The following ARHGEF37 variants were observed in gnomAD, a reference collection of about 807,000 sequenced individuals.
The protein encoded by ARHGEF37 is Rho guanine nucleotide exchange factor 37, also known as Rho guanine nucleotide exchange factor (GEF) 37.
A neutral mutation model predicts 71.1 loss-of-function variants in ARHGEF37; 55 were observed. The ratio of observed to expected loss-of-function variants is 0.77; its 90% CI spans 0.62 to 0.97. The LOEUF (loss-of-function observed/expected upper bound fraction) is 0.97. ARHGEF37 is among the 50% of genes least tolerant of loss of function. ARHGEF37 has a pLI of 0.00. For missense variants in ARHGEF37, 765 were observed against 836.8 expected, an observed-to-expected ratio of 0.91 and a Z score of 1.06; for synonymous variants, 327 against 350.6, an observed-to-expected ratio of 0.93 and a Z score of 0.75.
intron 1 of ARHGEF37, among the ~76,000 whole-genome samples, chr5:149,560,439 G>A (rs1167549617): frequency 6.6e-6 from 1 of 152,026 alleles, no homozygotes; most frequent in Non-Finnish European, 1.5e-5. Context: ...AATTATTTTG[G>A]GGTGGGAGAA....
intron 1 of ARHGEF37, among the ~76,000 whole-genome samples, chr5:149,552,465 A>G (rs1762692058): frequency 6.6e-6 from 1 of 152,232 alleles, no homozygotes. Context: ...AGAAAACTCC[A>G]TGGTTGATGC....
At chr5:149,562,831 G>A (rs947634374) in intron 1 of ARHGEF37, among the ~76,000 whole-genome samples, 2 of 152,192 alleles carry the variant, frequency 1.3e-5, no homozygotes, top group African/African-American at 4.8e-5. Context: ...CAGGGAACAT[G>A]TCCTGTCCAG....
rs1439628560 is a variant in ARHGEF37 at position 149,598,787 on chromosome 5, TATAGATATATAG to T, written c.186+836_186+847del. Among the ~76,000 whole-genome samples, 164 of 145,794 alleles carry T rather than the reference TATAGATATATAG, an allele frequency of 1.1e-3. 1 individual carries two copies. The highest frequency in any genetic ancestry group is 3.5e-3 in the African/African-American group (138 of 39,082). Reference sequence around the variant, plus strand: ...ATAGATATAGATATAGATATATAGATATAGATATATAGATATATATATGTGTGTGTGTGTGTA... The same window carrying T: ...ATAGATATAGATATAGATATATAGATATATATATATGTGTGTGTGTGTGTA... On this transcript the variant is annotated intron_variant, in intron 2 of 12. Transcript: ENST00000333677.
chr5:149,589,814 C>T (rs1181753552), intron 1 of ARHGEF37, among the ~76,000 whole-genome samples: 2 of 151,812 alleles, frequency 1.3e-5, no homozygotes, highest in Non-Finnish European at 2.9e-5. Context: ...CCACCATGCC[C>T]GGCCGCCTGG....
intron 1 of ARHGEF37, among the ~76,000 whole-genome samples, chr5:149,565,829 A>ATTTTTTTTTTTTTTTTTTTTTTTTTTTT (rs201683478): frequency 1.2e-5 from 1 of 84,580 alleles, no homozygotes; most frequent in Non-Finnish European, 2.7e-5. Context: ...AGAAACTCTA[A>ATTTTTTTTTTTTTTTTTTTTTTTTTTTT]TTTTTTTTTT....
intron 1 of ARHGEF37, among the ~76,000 whole-genome samples, chr5:149,597,001 G>A (rs1297830293): frequency 6.6e-6 from 1 of 152,118 alleles, no homozygotes; most frequent in African/African-American, 2.4e-5. Flanking sequence ...AATGGGTGTG[G>A]TGGTGGCAGG....
intron 11 of ARHGEF37, 149 bp from the exon 12 acceptor site, chr5:149,628,660 C>A: frequency 3.9e-6 from 4 of 1,019,488 alleles, no homozygotes; most frequent in Non-Finnish European, 5.6e-6. Flanking sequence ...GAGTGTGGGG[C>A]AGGGGGGTTC....
chr5:149,578,422 A>G (rs1469897560), upstream of ARHGEF37, among the ~76,000 whole-genome samples: 1 of 152,222 alleles, frequency 6.6e-6, no homozygotes, highest in East Asian at 1.9e-4. Flanking sequence ...TACCAAGGAA[A>G]GGGGCTGTTG....
At chr5:149,571,255 T>C (rs1762959801) in intron 1 of ARHGEF37, among the ~76,000 whole-genome samples, 2 of 152,020 alleles carry the variant, frequency 1.3e-5, no homozygotes, top group African/African-American at 2.4e-5. Flanking sequence ...TTTTGTTTTG[T>C]TTTGTTTTGC....
chr5:149,581,885 CATT>C (rs1763116760), intron 1 of ARHGEF37, among the ~76,000 whole-genome samples: 1 of 152,216 alleles, frequency 6.6e-6, no homozygotes, highest in African/African-American at 2.4e-5. Flanking sequence ...CCTGGAAAAA[CATT>C]ATTATTCTTT....
intron 1 of ARHGEF37, among the ~76,000 whole-genome samples, chr5:149,558,612 T>G (rs1480189777): frequency 6.6e-6 from 1 of 151,716 alleles, no homozygotes; most frequent in Non-Finnish European, 1.5e-5. Context: ...CTCCTCGGCC[T>G]CCTAAAGTGC....
At chr5:149,603,931 G>A (rs1350263048) in intron 3 of ARHGEF37, among the ~76,000 whole-genome samples, 1 of 152,114 alleles carries the variant, frequency 6.6e-6, no homozygotes, top group African/African-American at 2.4e-5. Context: ...GTGAGACTCT[G>A]TCTCAAAAAT....
rs113997100 is a variant in ARHGEF37 at position 149,624,063 on chromosome 5, G to A, written c.1387G>A (p.Ala463Thr). Residue 463 changes from alanine to threonine, a missense_variant, in exon 10 of 13, where the codon GCA becomes ACA. Physicochemically the swap from Ala to Thr is moderately conservative, Grantham distance 58 (BLOSUM62 0). Transcript: ENST00000333677. ...TGCCTTCAGGAAGCTGGTGGAGGACGCACTGGGCCGGACGAGTAACCAGCT... is the reference window on the plus strand; with the variant it reads ...TGCCTTCAGGAAGCTGGTGGAGGACACACTGGGCCGGACGAGTAACCAGCT... Reference protein sequence around the residue: ...EPAFRKLVEDALGRTSNQLRS... With the variant: ...EPAFRKLVEDTLGRTSNQLRS... The A allele has an allele frequency of 0.045, 73,045 of 1,610,026 alleles. 1,915 individuals are homozygous for A. The highest frequency in any genetic ancestry group is 0.054 in the Non-Finnish European group (63,599 of 1,176,598).
intron 9 of ARHGEF37, among the ~76,000 whole-genome samples, chr5:149,623,672 G>A (rs1752601765): frequency 6.6e-6 from 1 of 152,202 alleles, no homozygotes; most frequent in Non-Finnish European, 1.5e-5. Flanking sequence ...TGCCTTATCT[G>A]TGTCCTGTGG....
rs371335891 is a variant in ARHGEF37, at chr5:149,601,089, G to C, written c.187-19G>C. On this transcript the variant is annotated intron_variant, in intron 2 of 12. Coordinates refer to ENST00000333677, the MANE Select transcript of ARHGEF37 (RefSeq NM_001001669.3). ...ATGGAACTCCCAACCACCTCTCATGGCTTCTTTGTTCCTTCCAGTTGCCGC... is the reference window on the plus strand; with the variant it reads ...ATGGAACTCCCAACCACCTCTCATGCCTTCTTTGTTCCTTCCAGTTGCCGC... 8.7e-6 allele frequency: 14 copies of C among 1,604,184 alleles called. No homozygotes were observed. In the African/African-American group the frequency reaches 1.2e-4, roughly 14 times the overall value.
chr5:149,621,477 A>G (rs370688707), intron 8 of ARHGEF37, among the ~76,000 whole-genome samples: 2 of 152,246 alleles, frequency 1.3e-5, no homozygotes, highest in African/African-American at 4.8e-5. Context: ...TCTTTGCATA[A>G]TAATGATTCA....
At chr5:149,566,071 C>T (rs1403028102) in intron 1 of ARHGEF37, among the ~76,000 whole-genome samples, 2 of 151,176 alleles carry the variant, frequency 1.3e-5, no homozygotes, top group Non-Finnish European at 3.0e-5. Flanking sequence ...ATCACGAACT[C>T]CTGACCTCAG....
At chr5:149,614,622 G>T (rs1323473354) in intron 4 of ARHGEF37, among the ~76,000 whole-genome samples, 1 of 152,118 alleles carries the variant, frequency 6.6e-6, no homozygotes, top group Non-Finnish European at 1.5e-5. Flanking sequence ...GAAGTCCAGA[G>T]GATGGAGTCT....
chr5:149,596,608 TG>T (rs1015412006), intron 1 of ARHGEF37, among the ~76,000 whole-genome samples: 12 of 152,272 alleles, frequency 7.9e-5, no homozygotes, highest in Admixed American at 2.6e-4. Context: ...CCCGGGCCCT[TG>T]ATACTTTATA....
Sources: gnomAD v4.1 joint callset for allele counts (sites outside exome capture counted in the v4.1 genomes callset) on GRCh38, gnomAD v4.1.1 for gene constraint, MANE v1.5 for transcripts, NCBI Gene and HGNC (gene_info 2026-07-23, HGNC 2026-07-21) for gene names.